The following SV2B variants were observed in gnomAD, a reference collection of about 807,000 sequenced individuals.
The protein encoded by SV2B is solute carrier family 22 member B2.
SV2B carries 41 observed loss-of-function variants against 73.9 expected under a neutral mutation model. That is an observed-to-expected ratio of 0.56 (90% CI 0.43 to 0.72). The LOEUF is 0.72. Among genes scored for constraint, SV2B ranks in the 30% least tolerant of loss-of-function variants. The probability of loss-of-function intolerance (pLI) is 0.00; values close to 1 mark genes in which losing one functional copy is unlikely to be tolerated. For missense variants in SV2B, 764 were observed against 857.8 expected, an observed-to-expected ratio of 0.89 and a Z score of 1.37; for synonymous variants, 314 against 314.2, an observed-to-expected ratio of 1.00 and a Z score of 0.01.
intron 1 of SV2B, among the ~76,000 whole-genome samples, chr15:91,165,796 A>G (rs1356475966): frequency 6.6e-6 from 1 of 152,248 alleles, no homozygotes; most frequent in East Asian, 1.9e-4. Flanking sequence ...GAGGAGAAAA[A>G]TAGTCAATTA....
intron 1 of SV2B, among the ~76,000 whole-genome samples, chr15:91,133,567 T>C (rs2042722273): frequency 6.6e-6 from 1 of 152,120 alleles, no homozygotes; most frequent in South Asian, 2.1e-4. Context: ...TATTGAGCCC[T>C]GTGAGGGTCT....
intron 2 of SV2B, among the ~76,000 whole-genome samples, chr15:91,250,472 A>G (rs1176911939): frequency 6.6e-6 from 1 of 152,212 alleles, no homozygotes; most frequent in East Asian, 1.9e-4. Context: ...TATTCAACAT[A>G]GAGCAATTAG....
chr15:91,191,108 C>T (rs1278866954), intron 1 of SV2B, among the ~76,000 whole-genome samples: 1 of 118,302 alleles, frequency 8.5e-6, no homozygotes, highest in African/African-American at 3.0e-5. Context: ...TCTTGTTGCC[C>T]AGGCTGGAGT....
intron 1 of SV2B, among the ~76,000 whole-genome samples, chr15:91,209,131 T>G (rs1967970): frequency 6.9e-6 from 1 of 144,058 alleles, no homozygotes; most frequent in East Asian, 2.0e-4. Flanking sequence ...TTTTTTTTTT[T>G]TTTTTTTTGA....
chr15:91,217,140 G>A (rs2046060433), intron 1 of SV2B, among the ~76,000 whole-genome samples: 1 of 152,170 alleles, frequency 6.6e-6, no homozygotes, highest in Non-Finnish European at 1.5e-5. Flanking sequence ...GCATCCCAAA[G>A]TGCTGGGATT....
chr15:91,137,471 G>A lies in SV2B; in HGVS notation c.-392+37108G>A, dbSNP rs2042865863. 6.6e-6 allele frequency among the ~76,000 whole-genome samples: 1 copy of A among 151,342 alleles called. No individual in the cohort carries two copies. Among genetic ancestry groups the A allele is most frequent in the East Asian group, 1.9e-4 (1 of 5,170 alleles). ...GTGAGTAACTGTGTGTCAGGCATGAGGTGGAAGACAAATTACATGTATATT... is the reference window on the plus strand; with the variant it reads ...GTGAGTAACTGTGTGTCAGGCATGAAGTGGAAGACAAATTACATGTATATT... On this transcript the variant is annotated intron_variant, in intron 1 of 12. Coordinates refer to ENST00000394232, the MANE Select transcript of SV2B (RefSeq NM_001323032.3). The surrounding 1 kb of genome is among the most constrained non-coding windows in gnomAD (Gnocchi z 4.9).
At chr15:91,273,650 C>T (rs1019769495) in intron 9 of SV2B, among the ~76,000 whole-genome samples, 3 of 152,156 alleles carry the variant, frequency 2.0e-5, no homozygotes, top group African/African-American at 7.2e-5. Context: ...CTCCTTTCCT[C>T]TCTTTTTTTC....
intron 1 of SV2B, among the ~76,000 whole-genome samples, chr15:91,200,970 C>T (rs1339633825): frequency 6.6e-6 from 1 of 152,342 alleles, no homozygotes; most frequent in African/African-American, 2.4e-5. Flanking sequence ...TCTTTGTACA[C>T]ATCCTGGATT....
At position 91,119,750 on chromosome 15, in the gene SV2B, ATGAG is replaced by A. The variant is rs370960004; in HGVS notation, c.-392+19389_-392+19392del. Among the ~76,000 whole-genome samples, 100 of 152,348 alleles carry A rather than the reference ATGAG, an allele frequency of 6.6e-4. 1 individual carries two copies. The highest frequency in any genetic ancestry group is 2.3e-3 in the African/African-American group (94 of 41,578). ...GCCCCTCAATGCATCTTTGTTTGCA[ATGAG>A]TATTATCCTTAGAAGGAAAATAAAA... On this transcript the variant is annotated intron_variant, in intron 1 of 12. Coordinates refer to ENST00000394232, the MANE Select transcript of SV2B (RefSeq NM_001323032.3).
At chr15:91,155,932 G>A (rs142192385) in intron 1 of SV2B, among the ~76,000 whole-genome samples, 19 of 152,072 alleles carry the variant, frequency 1.2e-4, no homozygotes, top group African/African-American at 3.9e-4. Context: ...TACATTTACC[G>A]TGACTCTCAA....
At chr15:91,116,054 C>G (rs1306312840) in intron 1 of SV2B, among the ~76,000 whole-genome samples, 1 of 152,118 alleles carries the variant, frequency 6.6e-6, no homozygotes, top group Admixed American at 6.5e-5. Flanking sequence ...AATTTGAAGA[C>G]CTTTAAGCCC....
chr15:91,233,460 C>T (rs537333165), intron 2 of SV2B, among the ~76,000 whole-genome samples: 1 of 152,302 alleles, frequency 6.6e-6, no homozygotes, highest in East Asian at 1.9e-4. Context: ...ATCCTTATCT[C>T]CTGAGATTGC....
chr15:91,157,201 A>G (rs1005451870), intron 1 of SV2B, among the ~76,000 whole-genome samples: 2 of 152,182 alleles, frequency 1.3e-5, no homozygotes, highest in Non-Finnish European at 2.9e-5. Context: ...CCTTCCGGGA[A>G]GCATGTCCTG....
intron 1 of SV2B, among the ~76,000 whole-genome samples, chr15:91,192,262 A>C (rs2045066382): frequency 3.9e-5 from 6 of 152,206 alleles, no homozygotes; most frequent in Admixed American, 3.9e-4. Flanking sequence ...TTGTGTAATA[A>C]GCCCAGGCCT....
Position 91,258,314 on chromosome 15 carries a change from G to A in SV2B, c.785-107G>A, listed in dbSNP as rs2047774540. The A allele has an allele frequency of 6.7e-7, 1 of 1,492,806 alleles. No homozygotes were observed. Among genetic ancestry groups the A allele is most frequent in the Non-Finnish European group, 9.0e-7 (1 of 1,111,772 alleles). The allele number at this position is 1,492,806 out of a possible 1,614,324, so 92.5% of individuals were successfully genotyped here. ...GTCTGCATTTTAACCACCTCCCCGG[G>A]TGACTCTCTTGTGCCCTGAAGTTTG... On this transcript the variant is annotated intron_variant, in intron 4 of 12. Transcript: ENST00000394232. The surrounding 1 kb of genome is among the most constrained non-coding windows in gnomAD (Gnocchi z 4.7).
rs1273823215 is a variant in SV2B, at chr15:91,226,625, C to T, written c.362C>T (p.Ala121Val). The T allele has an allele frequency of 6.2e-7, 1 of 1,614,106 alleles. No individual in the cohort carries two copies. Among genetic ancestry groups the T allele is most frequent in the African/African-American group, 1.3e-5 (1 of 75,030 alleles). Reference protein sequence around the residue: ...LFFVLGLALMADGVEVFVVSF... With the variant: ...LFFVLGLALMVDGVEVFVVSF... ...TTCGTCTTGGGTTTGGCCCTGATGG[C>T]CGATGGGGTGGAAGTGTTCGTGGTG... Residue 121 changes from alanine to valine, a missense_variant, in exon 2 of 13, where the codon GCC (alanine) becomes GTC (valine). Physicochemically the swap from Ala to Val is moderately conservative, Grantham distance 64. Transcript: ENST00000394232.
intron 1 of SV2B, among the ~76,000 whole-genome samples, chr15:91,134,299 C>T (rs934243191): frequency 6.6e-6 from 1 of 152,140 alleles, no homozygotes; most frequent in Non-Finnish European, 1.5e-5. Context: ...GCCCGGCCTT[C>T]TCCACCACTT....
Position 91,197,216 on chromosome 15 carries a change from T to TTTTTGTTTTG in SV2B, c.-391-28636_-391-28627dup, listed in dbSNP as rs781598060. 2.0e-3 allele frequency among the ~76,000 whole-genome samples: 285 copies of TTTTTGTTTTG among 145,004 alleles called. 1 individual carries two copies. Among genetic ancestry groups the TTTTTGTTTTG allele is most frequent in the African/African-American group, 7.2e-3 (254 of 35,044 alleles). On this transcript the variant is annotated intron_variant, in intron 1 of 12. Transcript: ENST00000394232. The surrounding 1 kb of genome is among the most constrained non-coding windows in gnomAD (Gnocchi z 4.9). ...TGTTTTGTTTTTGTGTTTTTTTTGT[T>TTTTTGTTTTG]TTTTGTTTTGTTTTGTTTTGTTTTG...
At chr15:91,270,316 G>C (rs961451123) in intron 9 of SV2B, among the ~76,000 whole-genome samples, 5 of 152,186 alleles carry the variant, frequency 3.3e-5, no homozygotes, top group South Asian at 2.1e-4. Context: ...CTGTGTGCCA[G>C]GTGCTACCTT....
Sources: gnomAD v4.1 joint callset for allele counts (sites outside exome capture counted in the v4.1 genomes callset) on GRCh38, gnomAD v4.1.1 for gene constraint, Gnocchi (gnomAD v3.1) non-coding constraint, MANE v1.5 for transcripts, NCBI Gene and HGNC (gene_info 2026-07-23, HGNC 2026-07-21) for gene names.